Variants in EPS15 observed in about 807,000 individuals in gnomAD.
The protein encoded by EPS15 is epidermal growth factor receptor pathway substrate 15.
A neutral mutation model predicts 113.8 loss-of-function variants in EPS15; 72 were observed. The observed-to-expected ratio is 0.63, with a 90% CI of 0.52 to 0.77. The LOEUF (loss-of-function observed/expected upper bound fraction) is 0.77. Ranked by LOEUF, EPS15 falls within the 30% of genes least tolerant of loss-of-function variation. EPS15 has a pLI of 0.00. For missense variants in EPS15, 1,048 were observed against 1,045.8 expected (o/e 1.00, Z -0.03); for synonymous variants, 344 against 363.4 (o/e 0.95, Z 0.61).
intron 21 of EPS15, among the ~76,000 whole-genome samples, chr1:51,385,194 G>C (rs1311926289): frequency 1.3e-5 from 2 of 151,986 alleles, no homozygotes; most frequent in African/African-American, 4.8e-5. Context: ...ATCTGATAAG[G>C]GGTTAATATC....
At chr1:51,374,472 C>T (rs181360864) in intron 21 of EPS15, among the ~76,000 whole-genome samples, 75 of 151,906 alleles carry the variant, frequency 4.9e-4, no homozygotes, top group Non-Finnish European at 9.1e-4. Context: ...GGCGTGGTGG[C>T]GGATGCCTGT....
intron 24 of EPS15, among the ~76,000 whole-genome samples, chr1:51,359,562 C>T (rs2148341261): frequency 6.6e-6 from 1 of 151,314 alleles, no homozygotes; most frequent in East Asian, 1.9e-4. Context: ...GAGTACAAGA[C>T]CAGCCTGACC....
At chr1:51,378,893 C>G (rs563538030) in intron 21 of EPS15, among the ~76,000 whole-genome samples, 1 of 151,928 alleles carries the variant, frequency 6.6e-6, no homozygotes, top group African/African-American at 2.4e-5. Context: ...ATCTTTATAC[C>G]GGAAAGAAAG....
chr1:51,388,144 CTA>C (rs1647141896), intron 21 of EPS15, among the ~76,000 whole-genome samples: 1 of 152,126 alleles, frequency 6.6e-6, no homozygotes, highest in Admixed American at 6.6e-5. Context: ...TGCAATCAAA[CTA>C]GAACTCAGGA....
chr1:51,379,150 C>T (rs571654559), intron 21 of EPS15, among the ~76,000 whole-genome samples: 11 of 152,260 alleles, frequency 7.2e-5, no homozygotes, highest in Non-Finnish European at 1.3e-4. Context: ...GATGGAGTCT[C>T]GTTCTGTCAC....
chr1:51,396,432 G>A (rs1271639192), intron 20 of EPS15, among the ~76,000 whole-genome samples: 1 of 152,156 alleles, frequency 6.6e-6, no homozygotes, highest in Non-Finnish European at 1.5e-5. Context: ...ATGCTCCAAA[G>A]TCTGAAACCT....
rs997883169 is a variant in EPS15, at chr1:51,400,043, G to A, written c.1918+875C>T. On this transcript the variant is annotated intron_variant, in intron 19 of 24. Coordinates refer to ENST00000371733, the MANE Select transcript of EPS15 (RefSeq NM_001981.3). ...TTAAGTCCCCTTATTCTACGCTACC[G>A]TAACTAAAGAAAACACAATAAAAAC... 5.3e-5 allele frequency among the ~76,000 whole-genome samples: 8 copies of A among 152,036 alleles called. No homozygotes were observed. The East Asian group carries it at 5.8e-4, about 11-fold the overall frequency.
intron 16 of EPS15, among the ~76,000 whole-genome samples, chr1:51,404,641 T>C (rs1388560812): frequency 6.6e-6 from 1 of 152,206 alleles, no homozygotes; most frequent in Admixed American, 6.5e-5. Flanking sequence ...ACGTCACTTC[T>C]TGCTTAAAAT....
chr1:51,358,589 A>G (rs560589699), intron 24 of EPS15, among the ~76,000 whole-genome samples: 4 of 152,316 alleles, frequency 2.6e-5, no homozygotes, highest in African/African-American at 9.6e-5. Context: ...CACATCTTTC[A>G]CAATGAAAAA....
chr1:51,489,389 T>G lies in EPS15; in HGVS notation c.34-8075A>C, dbSNP rs75105548. ...CAGGTTAGAGTGCAATCACGTGATC[T>G]CGGCTCACTGCAATCTCCGCCTCCC... On this transcript the variant is annotated intron_variant, in intron 1 of 24. Coordinates refer to ENST00000371733, the MANE Select transcript of EPS15 (RefSeq NM_001981.3). 5.6e-4 allele frequency among the ~76,000 whole-genome samples: 84 copies of G among 151,168 alleles called. 1 individual carries two copies. The East Asian group carries it at 0.016, about 28-fold the overall frequency.
At chr1:51,455,897 C>T (rs1422647258) in intron 8 of EPS15, among the ~76,000 whole-genome samples, 1 of 151,140 alleles carries the variant, frequency 6.6e-6, no homozygotes, top group Non-Finnish European at 1.5e-5. Context: ...TAGTTGTGGC[C>T]AGAATACCCA....
chr1:51,454,818 T>C (rs780131051), intron 8 of EPS15, among the ~76,000 whole-genome samples: 3 of 152,044 alleles, frequency 2.0e-5, no homozygotes, highest in African/African-American at 4.8e-5. Flanking sequence ...TTTTGACAGA[T>C]GTACCATGGT....
intron 16 of EPS15, among the ~76,000 whole-genome samples, chr1:51,404,580 C>A (rs1420807971): frequency 6.6e-6 from 1 of 152,182 alleles, no homozygotes; most frequent in Admixed American, 6.5e-5. Context: ...ATCCCTTCTA[C>A]GGGTACAGTC....
intron 8 of EPS15, among the ~76,000 whole-genome samples, chr1:51,451,163 A>G (rs1653511976): frequency 6.6e-6 from 1 of 151,894 alleles, no homozygotes; most frequent in Non-Finnish European, 1.5e-5. Context: ...GGAGGAAATA[A>G]TTAGTTATAT....
intron 13 of EPS15, among the ~76,000 whole-genome samples, chr1:51,411,500 T>C (rs1649720413): frequency 6.6e-6 from 1 of 152,256 alleles, no homozygotes; most frequent in Non-Finnish European, 1.5e-5. Flanking sequence ...TTTCTGTATT[T>C]TAATTCAGTC....
At chr1:51,496,727 C>T (rs914261549) in intron 1 of EPS15, among the ~76,000 whole-genome samples, 7 of 152,146 alleles carry the variant, frequency 4.6e-5, no homozygotes, top group African/African-American at 1.2e-4. Flanking sequence ...TTTTCTGTTA[C>T]ATTTCCTTTT....
rs201936108 is a variant in EPS15 at position 51,356,830 on chromosome 1, T to A, written c.2561A>T (p.Asp854Val). The change falls in exon 25 of 25, where the codon GAT (aspartate) becomes GTT (valine). Residue 854 changes from aspartate (D) to valine (V), a missense_variant. Physicochemically the swap from Asp to Val is radical, Grantham distance 152. Coordinates refer to ENST00000371733, the MANE Select transcript of EPS15 (RefSeq NM_001981.3). ...TTCCCTCTTGGCCCATTCGATCATA[T>A]CTTCTTCAGAGGGATACTGCCATTT... The part of the protein sequence containing the change: ...ANFSAYPSEE[D>V]MIEWAKRESE... 4 of 1,613,068 alleles carry A rather than the reference T, an allele frequency of 2.5e-6. No individual in the cohort carries two copies.
chr1:51,371,962 T>A (rs1238147063), intron 21 of EPS15, among the ~76,000 whole-genome samples: 1 of 152,194 alleles, frequency 6.6e-6, no homozygotes, highest in East Asian at 1.9e-4. Context: ...CAGTATTCAG[T>A]ATAGTATTCA....
chr1:51,384,298 C>CTTTTTTTTT (rs67265512), intron 21 of EPS15, among the ~76,000 whole-genome samples: 50 of 99,502 alleles, frequency 5.0e-4, no homozygotes, highest in East Asian at 7.6e-4. Context: ...TTCTTTCTTT[C>CTTTTTTTTT]TTTTTTTTTT....
Sources: gnomAD v4.1 joint callset for allele counts (sites outside exome capture counted in the v4.1 genomes callset) on GRCh38, gnomAD v4.1.1 for gene constraint, MANE v1.5 for transcripts, NCBI Gene and HGNC (gene_info 2026-07-23, HGNC 2026-07-21) for gene names.